Variants in PKHD1 observed in about 807,000 individuals in gnomAD.
PKHD1 encodes PKHD1 ciliary IPT domain containing fibrocystin/polyductin.
PKHD1 carries 291 observed loss-of-function variants against 412.0 expected under a neutral mutation model. The ratio of observed to expected loss-of-function variants is 0.71; its 90% CI spans 0.64 to 0.78. PKHD1 has a LOEUF of 0.78. Ranked by LOEUF, PKHD1 falls within the 30% of genes least tolerant of loss-of-function variation. The pLI is 0.00. For missense variants in PKHD1, 4,825 were observed against 4,950.7 expected, an observed-to-expected ratio of 0.97 and a Z score of 0.76; for synonymous variants, 1,777 against 1,821.5, an observed-to-expected ratio of 0.98 and a Z score of 0.62.
intron 50 of PKHD1, among the ~76,000 whole-genome samples, chr6:51,846,899 A>G (rs1466624644): frequency 6.6e-6 from 1 of 151,982 alleles, no homozygotes; most frequent in Non-Finnish European, 1.5e-5. Context: ...GGTACTCTCT[A>G]CCTTGGACTC....
intron 48 of PKHD1, among the ~76,000 whole-genome samples, chr6:51,864,175 A>C (rs1774664746): frequency 6.6e-6 from 1 of 152,152 alleles, no homozygotes; most frequent in Admixed American, 6.5e-5. Flanking sequence ...AAGGGACAGA[A>C]TGCAGGAAAG....
At chr6:51,828,960 C>T (rs1767789808) in intron 52 of PKHD1, among the ~76,000 whole-genome samples, 1 of 152,152 alleles carries the variant, frequency 6.6e-6, no homozygotes, top group South Asian at 2.1e-4. Context: ...TATTAGACAA[C>T]AGGAGAGGGA....
At chr6:51,766,949 T>G (rs558579512) in intron 55 of PKHD1, among the ~76,000 whole-genome samples, 18 of 152,258 alleles carry the variant, frequency 1.2e-4, no homozygotes, top group African/African-American at 4.3e-4. Flanking sequence ...TTAAATTACA[T>G]GTTTACTTAA....
chr6:52,071,576 T>C (rs987217909), intron 8 of PKHD1, among the ~76,000 whole-genome samples: 4 of 152,098 alleles, frequency 2.6e-5, no homozygotes, highest in Non-Finnish European at 5.9e-5. Context: ...AAACATTGGG[T>C]ATTTAAACTG....
chr6:51,621,246 T>G (rs1348674340), intron 66 of PKHD1, among the ~76,000 whole-genome samples: 1 of 152,218 alleles, frequency 6.6e-6, no homozygotes, highest in Non-Finnish European at 1.5e-5. Context: ...TCCCTCATTA[T>G]GCCCAGTCCT....
intron 52 of PKHD1, among the ~76,000 whole-genome samples, chr6:51,830,007 T>C (rs1484423430): frequency 6.6e-6 from 1 of 152,168 alleles, no homozygotes; most frequent in East Asian, 1.9e-4. Context: ...ATTAAATTAG[T>C]TGGTACATGG....
intron 33 of PKHD1, among the ~76,000 whole-genome samples, chr6:52,019,065 G>A (rs1313070080): frequency 6.6e-6 from 1 of 152,164 alleles, no homozygotes; most frequent in Non-Finnish European, 1.5e-5. Context: ...AGCATCATGA[G>A]GCAGACTGGG....
At position 52,028,236 on chromosome 6, in the gene PKHD1, C is replaced by CA; in HGVS notation, c.3479dup (p.Glu1161GlyfsTer29). Reference sequence around the variant, plus strand: ...CTGGCAGTGGGGGCAGTGCCACCTCCAGGCCCCAAGCCGACTGTGTGTGAA... The same window carrying CA: ...CTGGCAGTGGGGGCAGTGCCACCTCCAAGGCCCCAAGCCGACTGTGTGTGAA... On this transcript the variant is annotated frameshift_variant, in exon 30 of 67. Transcript: ENST00000371117. LOFTEE classifies it high-confidence loss of function. 1.9e-6 allele frequency: 3 copies of CA among 1,614,158 alleles called. No homozygotes were observed. The highest frequency in any genetic ancestry group is 2.5e-6 in the Non-Finnish European group (3 of 1,180,022).
At chr6:51,647,508 C>A (rs2150361238) in intron 63 of PKHD1, among the ~76,000 whole-genome samples, 1 of 152,236 alleles carries the variant, frequency 6.6e-6, no homozygotes, top group African/African-American at 2.4e-5. Flanking sequence ...AGAGGGTAGA[C>A]AAACATAAGG....
At chr6:51,710,699 A>G (rs1323883146) in intron 60 of PKHD1, among the ~76,000 whole-genome samples, 1 of 152,208 alleles carries the variant, frequency 6.6e-6, no homozygotes, top group African/African-American at 2.4e-5. Context: ...TACTCAATAT[A>G]AAATTTGAAT....
At chr6:51,807,485 A>ATGTGTG (rs567506746) in intron 52 of PKHD1, among the ~76,000 whole-genome samples, 5,062 of 111,420 alleles carry the variant, frequency 0.045, 177 homozygotes, top group East Asian at 0.095. Flanking sequence ...ATATATGTAT[A>ATGTGTG]TGTGTGTGTG....
At chr6:51,887,700 G>T (rs1221588632) in intron 43 of PKHD1, among the ~76,000 whole-genome samples, 1 of 152,086 alleles carries the variant, frequency 6.6e-6, no homozygotes, top group Non-Finnish European at 1.5e-5. Context: ...CGTGAGTAAA[G>T]GCTCCCTGAG....
chr6:51,899,425 A>T (rs1396862456), intron 43 of PKHD1, among the ~76,000 whole-genome samples: 1 of 152,190 alleles, frequency 6.6e-6, no homozygotes, highest in Non-Finnish European at 1.5e-5. Flanking sequence ...CCACAGAATT[A>T]TCTCAATAGA....
chr6:51,983,448 C>A (rs536785941), intron 35 of PKHD1, among the ~76,000 whole-genome samples: 1 of 152,316 alleles, frequency 6.6e-6, no homozygotes, highest in South Asian at 2.1e-4. Flanking sequence ...CAGACTCCTC[C>A]AGGCCTGCTT....
chr6:51,887,150 A>G lies in PKHD1; in HGVS notation c.7092T>C (p.Ile2364=), dbSNP rs755488016. ...QAPLLSFTQN[I]AHSCTRYGLF... ...AAAGTTACCTGGTACAAGAATGTGC[A>G]ATGTTCTGAGTGAAGGAAAGAAGCG... The change falls in exon 44 of 67, where the codon ATT becomes ATC. Residue 2364 remains isoleucine, a synonymous_variant. Coordinates refer to ENST00000371117, the MANE Select transcript of PKHD1 (RefSeq NM_138694.4). 1 of 1,608,224 alleles carries G rather than the reference A, an allele frequency of 6.2e-7. No individual in the cohort carries two copies. The highest frequency in any genetic ancestry group is 8.5e-7 in the Non-Finnish European group (1 of 1,174,564).
chr6:52,024,209 C>T (rs1223017400), intron 32 of PKHD1, among the ~76,000 whole-genome samples: 4 of 152,166 alleles, frequency 2.6e-5, no homozygotes, highest in African/African-American at 9.6e-5. Context: ...AAATTTTAAA[C>T]AACGCAAATT....
At chr6:51,791,589 C>T (rs1432037720) in intron 52 of PKHD1, among the ~76,000 whole-genome samples, 2 of 152,142 alleles carry the variant, frequency 1.3e-5, no homozygotes, top group Admixed American at 6.5e-5. Context: ...TAACATACCA[C>T]ATTCATGGAC....
At chr6:51,673,467 C>T (rs1384768756) in intron 60 of PKHD1, among the ~76,000 whole-genome samples, 2 of 152,218 alleles carry the variant, frequency 1.3e-5, no homozygotes, top group Non-Finnish European at 2.9e-5. Context: ...GTGGCCGACT[C>T]ACTTGCTATA....
chr6:52,010,954 C>A (rs745518853), intron 34 of PKHD1, among the ~76,000 whole-genome samples: 1 of 152,032 alleles, frequency 6.6e-6, no homozygotes, highest in Non-Finnish European at 1.5e-5. Flanking sequence ...TCCCTAATTC[C>A]AACTGTGAAA....
Sources: allele counts gnomAD v4.1 joint callset (sites outside exome capture counted in the v4.1 genomes callset), GRCh38; gene constraint gnomAD v4.1.1; transcripts MANE v1.5; gene names NCBI Gene and HGNC (gene_info 2026-07-23, HGNC 2026-07-21).